Variants in NWD2 observed in about 807,000 individuals in gnomAD.
NWD2 encodes NACHT and WD repeat domain containing 2.
NWD2 carries 37 observed loss-of-function variants against 132.7 expected under a neutral mutation model. The ratio of observed to expected loss-of-function variants is 0.28; its 90% CI spans 0.21 to 0.37. NWD2 has a LOEUF of 0.37. Ranked by LOEUF, NWD2 falls within the 10% of genes least tolerant of loss-of-function variation. The probability of loss-of-function intolerance (pLI) is 1.00; values close to 1 mark genes in which losing one functional copy is unlikely to be tolerated. For synonymous variants in NWD2, 705 were observed against 803.0 expected, an observed-to-expected ratio of 0.88 and a Z score of 2.06; for missense variants, 1,592 against 2,122.4, an observed-to-expected ratio of 0.75 and a Z score of 4.91.
At chr4:37,372,724 T>C (rs953919966) in intron 3 of NWD2, among the ~76,000 whole-genome samples, 2 of 152,224 alleles carry the variant, frequency 1.3e-5, no homozygotes, top group South Asian at 4.1e-4. Context: ...TCCCTTTGGT[T>C]CCCAGATCTA....
intron 5 of NWD2, among the ~76,000 whole-genome samples, chr4:37,437,798 T>C (rs1360169316): frequency 6.6e-6 from 1 of 152,232 alleles, no homozygotes; most frequent in Non-Finnish European, 1.5e-5. Context: ...ATAATATATA[T>C]GTACTTGTGT....
intron 3 of NWD2, among the ~76,000 whole-genome samples, chr4:37,428,602 G>C (rs549617419): frequency 6.6e-6 from 1 of 152,344 alleles, no homozygotes; most frequent in East Asian, 1.9e-4. Context: ...TCTGGGATGA[G>C]GCTTGAGAAT....
Position 37,244,991 on chromosome 4 carries a change from G to A in NWD2, c.-77G>A, listed in dbSNP as rs1717199165. 3.3e-5 allele frequency: 50 copies of A among 1,526,086 alleles called. 1 individual carries two copies. In the South Asian group the frequency reaches 5.7e-4, roughly 17 times the overall value. 94.5% of individuals were successfully genotyped at this position (1,526,086 alleles called of 1,614,324 possible). A position where few individuals can be genotyped will look rare whatever the true frequency, so the allele number is the denominator to read the frequency against. On this transcript the variant is annotated 5_prime_UTR_variant, in exon 1 of 7. Transcript: ENST00000309447. The surrounding 1 kb of genome is among the most constrained non-coding windows in gnomAD (Gnocchi z 5.5). Reference sequence around the variant, plus strand: ...GCTGAGATCGACCGCCTGCTGAGCCGTTCCGTGGAGCTGCGGGCAGGAACC... The same window carrying A: ...GCTGAGATCGACCGCCTGCTGAGCCATTCCGTGGAGCTGCGGGCAGGAACC...
intron 1 of NWD2, among the ~76,000 whole-genome samples, chr4:37,289,949 C>T (rs1383177876): frequency 6.6e-6 from 1 of 152,024 alleles, no homozygotes; most frequent in African/African-American, 2.4e-5. Flanking sequence ...GCTGGAAGGT[C>T]GAATGAACAA....
At chr4:37,335,999 T>C (rs1474338021) in intron 2 of NWD2, among the ~76,000 whole-genome samples, 7 of 151,978 alleles carry the variant, frequency 4.6e-5, no homozygotes, top group Admixed American at 3.9e-4. Flanking sequence ...ATAAGTAATA[T>C]TAGATTTTCC....
rs563078236 is a variant in NWD2, at chr4:37,437,643, G to A, written c.707-1158G>A. ...AAAGGGATGGTGAAGGAGGAAGAAAGGAAGAGCAGCCAATTTTAAGAATAC... is the reference window on the plus strand; with the variant it reads ...AAAGGGATGGTGAAGGAGGAAGAAAAGAAGAGCAGCCAATTTTAAGAATAC... On this transcript the variant is annotated intron_variant, in intron 5 of 6. Coordinates refer to ENST00000309447, the MANE Select transcript of NWD2 (RefSeq NM_001144990.2). Among the ~76,000 whole-genome samples, 6 of 152,284 alleles carry A rather than the reference G, an allele frequency of 3.9e-5. No individual in the cohort carries two copies. In the South Asian group the frequency reaches 1.0e-3, roughly 26 times the overall value.
intron 1 of NWD2, among the ~76,000 whole-genome samples, chr4:37,276,722 A>G (rs1277469825): frequency 6.6e-6 from 1 of 152,154 alleles, no homozygotes; most frequent in East Asian, 1.9e-4. Flanking sequence ...AATAGCAAAG[A>G]CTTGGAACCA....
rs3816723 is a variant in NWD2, at chr4:37,359,303, G to A, written c.357+2821G>A. Reference sequence around the variant, plus strand: ...ACATGTTTAAACTCAGGGAAACCACGATAAAACCCTGCAGATAGAGCTAGG... The same window carrying A: ...ACATGTTTAAACTCAGGGAAACCACAATAAAACCCTGCAGATAGAGCTAGG... On this transcript the variant is annotated intron_variant, in intron 3 of 6. Coordinates refer to ENST00000309447, the MANE Select transcript of NWD2 (RefSeq NM_001144990.2). Among the ~76,000 whole-genome samples the A allele has an allele frequency of 5.3e-5, 8 of 152,058 alleles. No homozygotes were observed. In the East Asian group the frequency reaches 5.8e-4, roughly 11 times the overall value.
rs187001272 is a variant in NWD2 at position 37,279,059 on chromosome 4, G to A, written c.151+33841G>A. ...AAAATAAGATAGAGAAATACACAAGGTTGATTAAAAAAAACACATACTTTT... is the reference window on the plus strand; with the variant it reads ...AAAATAAGATAGAGAAATACACAAGATTGATTAAAAAAAACACATACTTTT... On this transcript the variant is annotated intron_variant, in intron 1 of 6. Coordinates refer to ENST00000309447, the MANE Select transcript of NWD2 (RefSeq NM_001144990.2). 1.1e-3 allele frequency among the ~76,000 whole-genome samples: 173 copies of A among 152,028 alleles called. 1 individual carries two copies. Among genetic ancestry groups the A allele is most frequent in the Admixed American group, 6.7e-3 (103 of 15,264 alleles).
At chr4:37,255,116 G>T (rs1292997738) in intron 1 of NWD2, among the ~76,000 whole-genome samples, 2 of 152,150 alleles carry the variant, frequency 1.3e-5, no homozygotes, top group Non-Finnish European at 2.9e-5. Flanking sequence ...GTTAGAAAGG[G>T]AGTAAAAATG....
At chr4:37,353,098 C>A (rs759476527) in intron 2 of NWD2, among the ~76,000 whole-genome samples, 9 of 152,148 alleles carry the variant, frequency 5.9e-5, no homozygotes, top group Non-Finnish European at 1.2e-4. Context: ...GATTTTATTT[C>A]TCCTTTCTTA....
intron 3 of NWD2, among the ~76,000 whole-genome samples, chr4:37,399,491 A>G (rs1720862316): frequency 6.6e-6 from 1 of 152,220 alleles, no homozygotes; most frequent in Non-Finnish European, 1.5e-5. Context: ...TAAAATGATG[A>G]AGGATTTCTC....
At chr4:37,369,197 A>T (rs1720166348) in intron 3 of NWD2, among the ~76,000 whole-genome samples, 1 of 152,200 alleles carries the variant, frequency 6.6e-6, no homozygotes. Flanking sequence ...TATGAAAGGT[A>T]ATTATTTGGT....
In NWD2 at chr4:37,434,012, T is replaced by A. The variant is rs766805593; in HGVS notation, c.698T>A (p.Leu233Gln). Residue 233 changes from leucine (L) to glutamine (Q), a missense_variant, in exon 5 of 7, where the codon CTG becomes CAG. Coordinates refer to ENST00000309447, the MANE Select transcript of NWD2 (RefSeq NM_001144990.2). ...AAACACAGCCAGGCTAAGAGGTACC[T>A]GTTCTCAGGTAATTTTCCCATACCT... The part of the protein sequence containing the change: ...KMKHSQAKRY[L>Q]FSAIEDEFDF... 1 of 1,542,412 alleles carries A rather than the reference T, an allele frequency of 6.5e-7. No homozygotes were observed. Among genetic ancestry groups the A allele is most frequent in the South Asian group, 1.2e-5 (1 of 82,542 alleles).
intron 1 of NWD2, among the ~76,000 whole-genome samples, chr4:37,308,751 G>C (rs1718766917): frequency 1.3e-5 from 2 of 152,150 alleles, no homozygotes; most frequent in South Asian, 4.1e-4. Flanking sequence ...CCTGGTTGAG[G>C]GTACAGGCAC....
At chr4:37,300,113 T>C (rs1382083013) in intron 1 of NWD2, among the ~76,000 whole-genome samples, 1 of 152,154 alleles carries the variant, frequency 6.6e-6, no homozygotes, top group African/African-American at 2.4e-5. Flanking sequence ...AGCTTAATTG[T>C]AGTCTTCTCT....
At chr4:37,351,743 T>C (rs891161911) in intron 2 of NWD2, among the ~76,000 whole-genome samples, 2 of 152,186 alleles carry the variant, frequency 1.3e-5, no homozygotes, top group East Asian at 3.8e-4. Context: ...TGCTCTTCCT[T>C]CTCTAGTTCT....
chr4:37,250,444 C>T lies in NWD2; in HGVS notation c.151+5226C>T, dbSNP rs540406548. Among the ~76,000 whole-genome samples, 20 of 152,264 alleles carry T rather than the reference C, an allele frequency of 1.3e-4. No individual in the cohort carries two copies. The South Asian group carries it at 3.7e-3, about 28-fold the overall frequency. ...CAATTTAATGCTGTGATTTCTTGAG[C>T]AAGTTGCTTAACTTGTTTTGAGTTT... On this transcript the variant is annotated intron_variant, in intron 1 of 6. Coordinates refer to ENST00000309447, the MANE Select transcript of NWD2 (RefSeq NM_001144990.2).
chr4:37,424,256 C>A (rs1461114107), intron 3 of NWD2, among the ~76,000 whole-genome samples: 1 of 152,178 alleles, frequency 6.6e-6, no homozygotes, highest in Admixed American at 6.5e-5. Context: ...AGAGCTATCA[C>A]AATCAAATGA....
Sources: allele counts gnomAD v4.1 joint callset (sites outside exome capture counted in the v4.1 genomes callset), GRCh38; gene constraint gnomAD v4.1.1; non-coding constraint Gnocchi (gnomAD v3.1); transcripts MANE v1.5; gene names NCBI Gene and HGNC (gene_info 2026-07-23, HGNC 2026-07-21).